VPS13D: variants seen among roughly 807,000 people sequenced by gnomAD.
The protein encoded by VPS13D is intermembrane lipid transfer protein VPS13D.
In VPS13D, 187 loss-of-function variants were observed where a neutral mutation model predicts 461.9. The ratio of observed to expected loss-of-function variants is 0.40; its 90% CI spans 0.36 to 0.46. The LOEUF is 0.46. VPS13D is among the 20% of genes least tolerant of loss of function. The probability of loss-of-function intolerance (pLI) is 0.60; values close to 1 mark genes in which losing one functional copy is unlikely to be tolerated. For missense variants in VPS13D, 4,711 were observed against 5,364.9 expected, an observed-to-expected ratio of 0.88 and a Z score of 3.81; for synonymous variants, 1,951 against 1,986.3, an observed-to-expected ratio of 0.98 and a Z score of 0.47.
chr1:12,493,183 TAAAA>T (rs779968098), intron 67 of VPS13D, among the ~76,000 whole-genome samples: 1 of 116,772 alleles, frequency 8.6e-6, no homozygotes, highest in Admixed American at 8.8e-5. Flanking sequence ...GACCAGTTAT[TAAAA>T]AAAAAAAAAA....
At chr1:12,286,426 C>T (rs1465218883) in intron 21 of VPS13D, among the ~76,000 whole-genome samples, 1 of 152,314 alleles carries the variant, frequency 6.6e-6, no homozygotes, top group Admixed American at 6.5e-5. Flanking sequence ...TTCCATGTTA[C>T]ATTTGCTGTC....
At chr1:12,310,106 A>T (rs1028659436) in intron 27 of VPS13D, among the ~76,000 whole-genome samples, 12 of 152,194 alleles carry the variant, frequency 7.9e-5, no homozygotes, top group Admixed American at 1.3e-4. Context: ...AAAAACAAAA[A>T]AAAAGCTTTC....
chr1:12,511,949 A>G lies in VPS13D; in HGVS notation c.*2925A>G, dbSNP rs1220945996. 1 of 152,172 alleles carries G rather than the reference A, an allele frequency of 6.6e-6. No homozygotes were observed. The highest frequency in any genetic ancestry group is 2.4e-5 in the African/African-American group (1 of 41,440). 9.4% of individuals were successfully genotyped at this position (152,172 alleles called of 1,614,324 possible). A position where few individuals can be genotyped will look rare whatever the true frequency, so the allele number is the denominator to read the frequency against. Reference sequence around the variant, plus strand: ...TCTGGTTCTCTATTATGTAAACACTATTACAGTCACCAGTGTGTGAAGACT... The same window carrying G: ...TCTGGTTCTCTATTATGTAAACACTGTTACAGTCACCAGTGTGTGAAGACT... On this transcript the variant is annotated 3_prime_UTR_variant, in exon 70 of 70. Transcript: ENST00000620676. This position sits in a 1 kb window ranked among gnomAD's most constrained non-coding sequence, Gnocchi z 4.5.
chr1:12,263,397 G>C (rs1641175142), intron 13 of VPS13D, among the ~76,000 whole-genome samples: 2 of 152,160 alleles, frequency 1.3e-5, no homozygotes, highest in Non-Finnish European at 2.9e-5. Flanking sequence ...ATTTTTTTCT[G>C]CTCTGTGAGT....
At chr1:12,297,728 C>G (rs1230981180) in intron 24 of VPS13D, among the ~76,000 whole-genome samples, 1 of 152,176 alleles carries the variant, frequency 6.6e-6, no homozygotes, top group African/African-American at 2.4e-5. Context: ...TGTCATGCAG[C>G]TTGCCAGGTG....
chr1:12,458,586 G>A (rs1380240993), intron 66 of VPS13D, among the ~76,000 whole-genome samples: 1 of 152,046 alleles, frequency 6.6e-6, no homozygotes, highest in Non-Finnish European at 1.5e-5. Context: ...AAAAAGTTTG[G>A]GAAAGAGATA....
intron 16 of VPS13D, 64 bp downstream of exon 16, chr1:12,268,940 G>A: frequency 5.2e-6 from 8 of 1,551,506 alleles, no homozygotes; most frequent in African/African-American, 1.4e-5. Context: ...GTTATTTCTG[G>A]TGTTCTGGAC....
chr1:12,306,724 C>G lies in VPS13D; in HGVS notation c.6440-1707C>G, dbSNP rs991603241. On this transcript the variant is annotated intron_variant, in intron 26 of 69. Coordinates refer to ENST00000620676, the MANE Select transcript of VPS13D (RefSeq NM_015378.4). ...CAGCAGTCCCCAACCTTTTTGGCAT[C>G]AGGGACCAGTTTCATGGAAGACAAT... 2.6e-5 allele frequency among the ~76,000 whole-genome samples: 4 copies of G among 152,160 alleles called. No homozygotes were observed. In the South Asian group the frequency reaches 6.2e-4, roughly 24 times the overall value.
At chr1:12,356,558 G>T in intron 49 of VPS13D, 34 bp downstream of exon 49, 1 of 1,604,460 alleles carries the variant, frequency 6.2e-7, no homozygotes. Context: ...GGGGAAATAA[G>T]CTCCCAGGGA....
At position 12,261,115 on chromosome 1, in the gene VPS13D, G is replaced by A; in HGVS notation, c.1380G>A (p.Glu460=). The change falls in exon 12 of 70, where the codon GAG becomes GAA. Residue 460 remains glutamate (E), a synonymous_variant. Transcript: ENST00000620676. The stretch of plus-strand genomic sequence containing the variant: ...ATGTGGTTGAGGGACTGTCAGCAGA[G>A]CAACAGGAGCAGTGGATTCCTGAAG... ...EGNVVEGLSA[E]QQEQWIPEEI... is the part of the protein sequence containing the mutation. 3 of 1,614,200 alleles carry A rather than the reference G, an allele frequency of 1.9e-6. No individual in the cohort carries two copies. The highest frequency in any genetic ancestry group is 2.5e-6 in the Non-Finnish European group (3 of 1,180,030).
Position 12,267,912 on chromosome 1 carries a change from A to G in VPS13D, c.1793A>G (p.His598Arg), listed in dbSNP as rs745947116. 1 of 1,613,296 alleles carries G rather than the reference A, an allele frequency of 6.2e-7. No individual in the cohort carries two copies. Among genetic ancestry groups the G allele is most frequent in the Non-Finnish European group, 8.5e-7 (1 of 1,179,638 alleles). The change falls in exon 15 of 70, where the codon CAT becomes CGT. Residue 598 changes from histidine (H) to arginine (R), a missense_variant. Coordinates refer to ENST00000620676, the MANE Select transcript of VPS13D (RefSeq NM_015378.4). ...ACTACATCTGCAGACAGAAGTGATC[A>G]TTACCCAGGTAATTTGTCCTATGTT... Reference protein sequence around the residue: ...LQTTSADRSDHYPAADPDGPV... With the variant: ...LQTTSADRSDRYPAADPDGPV...
intron 67 of VPS13D, among the ~76,000 whole-genome samples, chr1:12,468,633 C>CT (rs770408983): frequency 2.0e-5 from 3 of 152,226 alleles, no homozygotes; most frequent in Non-Finnish European, 4.4e-5. Flanking sequence ...ATCTGGTACT[C>CT]TTTTGCCAGT....
intron 26 of VPS13D, among the ~76,000 whole-genome samples, chr1:12,306,609 T>A (rs1210690321): frequency 6.6e-6 from 1 of 152,234 alleles, no homozygotes; most frequent in Non-Finnish European, 1.5e-5. Context: ...TTCTGAAATT[T>A]CACTATTAAT....
At chr1:12,253,934 C>T (rs1011275533) in intron 7 of VPS13D, 108 bp downstream of exon 7, 3 of 801,728 alleles carry the variant, frequency 3.7e-6, no homozygotes, top group Non-Finnish European at 6.2e-6. Context: ...CCAGTTCCCA[C>T]CCACTGTTCC....
chr1:12,445,581 C>T (rs918134593), intron 65 of VPS13D, among the ~76,000 whole-genome samples: 12 of 152,138 alleles, frequency 7.9e-5, no homozygotes, highest in Admixed American at 7.2e-4. Context: ...ACTGAAAGGC[C>T]ACTGAGGAAT....
intron 67 of VPS13D, among the ~76,000 whole-genome samples, chr1:12,469,909 G>C (rs2100446672): frequency 6.6e-6 from 1 of 152,298 alleles, no homozygotes; most frequent in East Asian, 1.9e-4. Flanking sequence ...GCACTGCCCT[G>C]ACTCTTGCAG....
chr1:12,259,333 T>G (rs1361353996), intron 10 of VPS13D, among the ~76,000 whole-genome samples: 2 of 151,492 alleles, frequency 1.3e-5, no homozygotes, highest in Non-Finnish European at 2.9e-5. Context: ...TTTTTTTTTT[T>G]GAGACAGGAT....
chr1:12,374,523 G>A (rs1346852098), intron 55 of VPS13D, among the ~76,000 whole-genome samples: 2 of 152,200 alleles, frequency 1.3e-5, no homozygotes, highest in African/African-American at 2.4e-5. Context: ...TTAAGAAGGT[G>A]TGTGGTAGCC....
chr1:12,280,500 C>CTTT (rs774648603), intron 20 of VPS13D, among the ~76,000 whole-genome samples: 2 of 139,788 alleles, frequency 1.4e-5, no homozygotes, highest in Non-Finnish European at 1.6e-5. Context: ...TGTTGACTTA[C>CTTT]TTTTTTTTTT....
Sources: allele counts gnomAD v4.1 joint callset (sites outside exome capture counted in the v4.1 genomes callset), GRCh38; gene constraint gnomAD v4.1.1; non-coding constraint Gnocchi (gnomAD v3.1); transcripts MANE v1.5; gene names NCBI Gene and HGNC (gene_info 2026-07-23, HGNC 2026-07-21).